Variants in CSF2RA observed in about 807,000 individuals in gnomAD.
CSF2RA encodes the protein granulocyte-macrophage colony-stimulating factor receptor subunit alpha.
Under a neutral mutation model 51.6 loss-of-function variants are expected in CSF2RA, and 42 were observed. That is an observed-to-expected ratio of 0.81 (90% CI 0.64 to 1.05). The LOEUF (loss-of-function observed/expected upper bound fraction) is 1.05. CSF2RA is among the 50% of genes least tolerant of loss of function. The probability of loss-of-function intolerance (pLI) is 0.00; values close to 1 mark genes in which losing one functional copy is unlikely to be tolerated. For synonymous variants in CSF2RA, 222 were observed against 193.0 expected (o/e 1.15, Z -1.24); for missense variants, 530 against 501.1 (o/e 1.06, Z -0.55).
chrX:1,310,391 G>C (rs1463570615), downstream of CSF2RA: 1 of 151,038 alleles, frequency 6.6e-6, no homozygotes, highest in South Asian at 2.1e-4. Context: ...ATTGATGGCC[G>C]GGCGCGGTGG....
intron 9 of CSF2RA, 188 bp downstream of exon 9, chrX:1,295,644 A>G (rs1326651082): frequency 3.0e-6 from 2 of 657,992 alleles, no homozygotes; most frequent in African/African-American, 5.0e-5. Flanking sequence ...CCTACTCATG[A>G]CCCCTACAGT....
chrX:1,269,006 G>T (rs1343584994), intron 1 of CSF2RA, 127 bp downstream of exon 1: 5 of 394,968 alleles, frequency 1.3e-5, no homozygotes, highest in Non-Finnish European at 2.0e-5. Context: ...ACGTTGGCTC[G>T]AGCCGAAGTG....
At position 1,303,799 on chromosome X, in the gene CSF2RA, G is replaced by A. The variant is rs1281477854; in HGVS notation, c.947-124G>A. Reference sequence around the variant, plus strand: ...CCAAAAACAGGGAGGCAGGTTTGCTGGGCCCAGTTCTCAGCTTGACTGTTC... The same window carrying A: ...CCAAAAACAGGGAGGCAGGTTTGCTAGGCCCAGTTCTCAGCTTGACTGTTC... On this transcript the variant is annotated intron_variant, in intron 10 of 12. Transcript: ENST00000381529. 6 of 884,526 alleles carry A rather than the reference G, an allele frequency of 6.8e-6. No homozygotes were observed. The East Asian group carries it at 1.2e-4, about 18-fold the overall frequency. The allele number at this position is 884,526 out of a possible 1,614,324, so 54.8% of individuals were successfully genotyped here. A position where few individuals can be genotyped will look rare whatever the true frequency, so the allele number is the denominator to read the frequency against.
intron 12 of CSF2RA, among the ~76,000 whole-genome samples, chrX:1,307,574 A>G (rs1268049967): frequency 6.6e-6 from 1 of 152,074 alleles, no homozygotes; most frequent in East Asian, 1.9e-4. Flanking sequence ...AACTGATTAG[A>G]TGAGGCCCAC....
chrX:1,283,719 C>T (rs1421134678), intron 3 of CSF2RA, among the ~76,000 whole-genome samples: 21 of 151,924 alleles, frequency 1.4e-4, no homozygotes, highest in Non-Finnish European at 2.6e-4. Context: ...AGGCGCCTGC[C>T]ACCAGGCCCA....
At chrX:1,301,113 A>G (rs1212232360) in intron 10 of CSF2RA, among the ~76,000 whole-genome samples, 3 of 151,076 alleles carry the variant, frequency 2.0e-5, no homozygotes, top group Non-Finnish European at 4.4e-5. Flanking sequence ...GGATCACGCC[A>G]TTGCACTCCA....
At chrX:1,323,157 T>TACAA in the CSF2RA span, among the ~76,000 whole-genome samples, 24 of 30,444 alleles carry the variant, frequency 7.9e-4, no homozygotes, top group African/African-American at 2.8e-3. Flanking sequence ...TACATTACAA[T>TACAA]TATAAAATAA....
chrX:1,288,773 G>T lies in CSF2RA; in HGVS notation c.358G>T (p.Ala120Ser). The T allele has an allele frequency of 6.2e-7, 1 of 1,613,878 alleles. No homozygotes were observed. Among genetic ancestry groups the T allele is most frequent in the Non-Finnish European group, 8.5e-7 (1 of 1,179,860 alleles). The change falls in exon 6 of 13, where the codon GCT becomes TCT. Residue 120 changes from alanine to serine, a missense_variant. Coordinates refer to ENST00000381529, the MANE Select transcript of CSF2RA (RefSeq NM_172245.4). Reference sequence around the variant, plus strand: ...CCTCTTCCCAGGAAGGGAGGGTACCGCTGCTCAGAATTTCTCCTGTTTCAT... The same window carrying T: ...CCTCTTCCCAGGAAGGGAGGGTACCTCTGCTCAGAATTTCTCCTGTTTCAT... ...LYPNSGREGT[A>S]AQNFSCFIYN...
In CSF2RA at chrX:1,300,479, T is replaced by C; in HGVS notation, c.811-12T>C. 6.2e-7 allele frequency: 1 copy of C among 1,613,922 alleles called. No homozygotes were observed. The highest frequency in any genetic ancestry group is 8.5e-7 in the Non-Finnish European group (1 of 1,179,830). ...AAGACGCCTATCTCTAACTTTCTTT[T>C]TTCCTCCAAAGATTAATGTTTCTGG... On this transcript the variant is annotated splice_polypyrimidine_tract_variant and intron_variant, in intron 9 of 12. Transcript: ENST00000381529.
Position 1,296,003 on chromosome X carries a change from G to A in CSF2RA, c.810+547G>A, listed in dbSNP as rs754297893. Among the ~76,000 whole-genome samples, 3 of 148,880 alleles carry A rather than the reference G, an allele frequency of 2.0e-5. No individual in the cohort carries two copies. In the South Asian group the frequency reaches 6.5e-4, roughly 32 times the overall value. ...TCACGACCCCCGGAGTAATCCTACA[G>A]TCTCCTACTCACGACGCCTACAGTT... On this transcript the variant is annotated intron_variant, in intron 9 of 12. Transcript: ENST00000381529.
intron 7 of CSF2RA, among the ~76,000 whole-genome samples, chrX:1,290,733 C>T (rs1459254607): frequency 3.9e-5 from 6 of 151,944 alleles, no homozygotes; most frequent in Non-Finnish European, 7.4e-5. Flanking sequence ...GGCATGGTGG[C>T]GCGTGCCTGT....
intron 12 of CSF2RA, among the ~76,000 whole-genome samples, chrX:1,308,545 C>G (rs1190666024): frequency 3.3e-5 from 5 of 152,072 alleles, no homozygotes; most frequent in Non-Finnish European, 5.9e-5. Flanking sequence ...AGCTCAGGGG[C>G]TGTGTCTTCC....
At chrX:1,319,566 G>T in the CSF2RA span, among the ~76,000 whole-genome samples, 1 of 149,192 alleles carries the variant, frequency 6.7e-6, no homozygotes, top group African/African-American at 2.4e-5. Context: ...GGGTCTACAG[G>T]CATGAGCCAC....
chrX:1,320,664 A>ATT, the CSF2RA span, among the ~76,000 whole-genome samples: 44 of 123,382 alleles, frequency 3.6e-4, 1 homozygote, highest in African/African-American at 9.4e-4. Context: ...TGCCCAGCTA[A>ATT]TTTTTTTTTT....
chrX:1,269,419 G>A (rs1306298626), intron 1 of CSF2RA, among the ~76,000 whole-genome samples: 5 of 151,712 alleles, frequency 3.3e-5, no homozygotes, highest in Middle Eastern at 3.4e-3. Context: ...TCGACAGTTC[G>A]AGACCATCCT....
intron 12 of CSF2RA, among the ~76,000 whole-genome samples, chrX:1,306,597 A>C (rs2083592133): frequency 6.6e-6 from 1 of 152,044 alleles, no homozygotes; most frequent in South Asian, 2.1e-4. Context: ...CAGTGAGCCG[A>C]GATCGCACCA....
the CSF2RA span, among the ~76,000 whole-genome samples, chrX:1,317,573 A>T: frequency 0.3 from 39,156 of 131,328 alleles, 5,933 homozygotes; most frequent in Non-Finnish European, 0.35. Flanking sequence ...ATTTTATTTT[A>T]TTTTTTTTTT....
the CSF2RA span, among the ~76,000 whole-genome samples, chrX:1,318,878 C>T: frequency 4.1e-5 from 6 of 147,480 alleles, 1 homozygote; most frequent in East Asian, 2.1e-4. Context: ...GATCGTGCCA[C>T]TGCACTCCAG....
intron 9 of CSF2RA, 64 bp from the exon 10 acceptor site, chrX:1,300,427 A>G (rs1438430403): frequency 3.8e-6 from 6 of 1,585,746 alleles, no homozygotes; most frequent in Admixed American, 1.9e-5. Context: ...AAAAGAACGA[A>G]AAAAGGCAAC....
Sources: gnomAD v4.1 joint callset for allele counts (sites outside exome capture counted in the v4.1 genomes callset) on GRCh38, gnomAD v4.1.1 for gene constraint, MANE v1.5 for transcripts, NCBI Gene and HGNC (gene_info 2026-07-23, HGNC 2026-07-21) for gene names.